Variants in NEMP2 observed in about 807,000 individuals in gnomAD.
NEMP2 encodes the protein UPF0571 transmembrane protein.
A neutral mutation model predicts 54.2 loss-of-function variants in NEMP2; 53 were observed. That is an observed-to-expected ratio of 0.98 (90% confidence interval 0.78 to 1.23). The LOEUF (loss-of-function observed/expected upper bound fraction) is 1.23. Ranked by LOEUF, NEMP2 falls within the 50% of genes most tolerant of loss-of-function variation. NEMP2 has a pLI of 0.00. For missense variants in NEMP2, 455 were observed against 511.3 expected, an observed-to-expected ratio of 0.89 and a Z score of 1.06; for synonymous variants, 197 against 190.3, an observed-to-expected ratio of 1.04 and a Z score of -0.29.
the NEMP2 span, among the ~76,000 whole-genome samples, chr2:190,636,562 G>A: frequency 1.3e-5 from 2 of 152,214 alleles, no homozygotes; most frequent in East Asian, 1.9e-4. Flanking sequence ...TCGTAATGAC[G>A]GTAGGTCAGT....
the NEMP2 span, among the ~76,000 whole-genome samples, chr2:190,490,926 TCTTA>T: frequency 6.6e-6 from 1 of 152,224 alleles, no homozygotes; most frequent in African/African-American, 2.4e-5. This position sits in a 1 kb window ranked among gnomAD's most constrained non-coding sequence, Gnocchi z 4.5. Flanking sequence ...TACTGTTTTT[TCTTA>T]CTTTTGTTCT....
the NEMP2 span, among the ~76,000 whole-genome samples, chr2:190,581,829 A>G: frequency 6.6e-6 from 1 of 152,302 alleles, no homozygotes; most frequent in South Asian, 2.1e-4. Flanking sequence ...ATTGGTTCCC[A>G]AGAGATGACT....
At chr2:190,612,952 GTTGT>G in the NEMP2 span, among the ~76,000 whole-genome samples, 4 of 151,684 alleles carry the variant, frequency 2.6e-5, no homozygotes, top group Non-Finnish European at 2.9e-5. Flanking sequence ...TGAAATATCT[GTTGT>G]TTAATTTAAT....
rs1690226389 is a variant in NEMP2 at position 190,507,708 on chromosome 2, A to G, written c.*1481T>C. On this transcript the variant is annotated 3_prime_UTR_variant, in exon 9 of 9. Coordinates refer to ENST00000409150, the MANE Select transcript of NEMP2 (RefSeq NM_001142645.2). This position sits in a 1 kb window ranked among gnomAD's most constrained non-coding sequence, Gnocchi z 4.4. ...AGATGTCTGGCAAAAACAGACCTGT[A>G]AATACTTCAAAGAGGAACTATCATT... is the stretch of plus-strand genomic sequence containing the variant. The G allele has an allele frequency of 6.6e-6, 1 of 152,116 alleles. No individual in the cohort carries two copies. The allele number at this position is 152,116 out of a possible 1,614,324, so 9.4% of individuals were successfully genotyped here.
At chr2:190,540,480 G>A in the NEMP2 span, among the ~76,000 whole-genome samples, 1 of 152,064 alleles carries the variant, frequency 6.6e-6, no homozygotes. Flanking sequence ...GGTAGAGATA[G>A]GGTCTCACTA....
At chr2:190,532,812 A>G (rs530668626) in intron 1 of NEMP2, among the ~76,000 whole-genome samples, 1 of 152,348 alleles carries the variant, frequency 6.6e-6, no homozygotes, top group Admixed American at 6.5e-5. Context: ...AGGGCTGCCA[A>G]CAGTGTCACT....
At chr2:190,452,501 G>C in the NEMP2 span, among the ~76,000 whole-genome samples, 1 of 152,142 alleles carries the variant, frequency 6.6e-6, no homozygotes, top group Admixed American at 6.5e-5. Context: ...GAGTGATTAA[G>C]TTTCCCATGA....
chr2:190,477,351 C>A, the NEMP2 span: 1 of 983,746 alleles, frequency 1.0e-6, no homozygotes. Context: ...TGGTATGCTA[C>A]AGTGTGCAGA....
the NEMP2 span, among the ~76,000 whole-genome samples, chr2:190,590,179 T>C: frequency 3.7e-3 from 561 of 152,332 alleles, no homozygotes; most frequent in Middle Eastern, 6.8e-3. The surrounding 1 kb of genome is among the most constrained non-coding windows in gnomAD (Gnocchi z 5.1). Context: ...ACATTGGGCA[T>C]TGACCCACCT....
intron 5 of NEMP2, 44 bp from the exon 6 acceptor site, chr2:190,516,428 ACT>A (rs1690559652): frequency 7.2e-7 from 1 of 1,380,944 alleles, no homozygotes; most frequent in African/African-American, 1.5e-5. Context: ...TGGTTCATTC[ACT>A]CTCATAAAAA....
At chr2:190,596,655 A>G in the NEMP2 span, among the ~76,000 whole-genome samples, 2 of 152,180 alleles carry the variant, frequency 1.3e-5, no homozygotes, top group East Asian at 3.8e-4. The surrounding 1 kb of genome is among the most constrained non-coding windows in gnomAD (Gnocchi z 5.1). Context: ...CATCTCTTCT[A>G]GCAAAGGTTG....
chr2:190,437,504 C>T, the NEMP2 span: 1 of 1,614,206 alleles, frequency 6.2e-7, no homozygotes, highest in Non-Finnish European at 8.5e-7. This position sits in a 1 kb window ranked among gnomAD's most constrained non-coding sequence, Gnocchi z 5.9. Flanking sequence ...AGTCATGTGT[C>T]TGAGCTGACA....
At chr2:190,586,762 T>C in the NEMP2 span, among the ~76,000 whole-genome samples, 27 of 152,248 alleles carry the variant, frequency 1.8e-4, no homozygotes, top group African/African-American at 6.3e-4. This position sits in a 1 kb window ranked among gnomAD's most constrained non-coding sequence, Gnocchi z 4.5. Context: ...TAAAATTTTA[T>C]TAGAAAAAAT....
At chr2:190,430,345 C>A in the NEMP2 span, among the ~76,000 whole-genome samples, 1 of 151,010 alleles carries the variant, frequency 6.6e-6, no homozygotes, top group Non-Finnish European at 1.5e-5. Flanking sequence ...AGGCAGAGGA[C>A]CCTGCGGCCT....
the NEMP2 span, among the ~76,000 whole-genome samples, chr2:190,634,133 T>G: frequency 6.6e-6 from 1 of 152,132 alleles, no homozygotes; most frequent in African/African-American, 2.4e-5. This position sits in a 1 kb window ranked among gnomAD's most constrained non-coding sequence, Gnocchi z 6.8. Context: ...TATTTCAAAC[T>G]TTTCTTAAAT....
In NEMP2 at chr2:190,529,534, C is replaced by A. The variant is rs930701778; in HGVS notation, c.98-4156G>T. The stretch of plus-strand genomic sequence containing the variant: ...GACCCCACTGTCTAAACAAACACAC[C>A]CCAACCACTTCCACCTGCTTTATTC... On this transcript the variant is annotated intron_variant, in intron 1 of 8. Coordinates refer to ENST00000409150, the MANE Select transcript of NEMP2 (RefSeq NM_001142645.2). This position sits in a 1 kb window ranked among gnomAD's most constrained non-coding sequence, Gnocchi z 4.7. Among the ~76,000 whole-genome samples the A allele has an allele frequency of 6.6e-5, 10 of 152,300 alleles. No individual in the cohort carries two copies. The highest frequency in any genetic ancestry group is 3.9e-4 in the Admixed American group (6 of 15,294).
At chr2:190,629,689 A>G in the NEMP2 span, 1 of 152,192 alleles carries the variant, frequency 6.6e-6, no homozygotes, top group East Asian at 1.9e-4. Flanking sequence ...ATTGAAAAGG[A>G]CCAATGATTA....
intron 1 of NEMP2, among the ~76,000 whole-genome samples, chr2:190,526,728 G>C (rs941269618): frequency 1.3e-5 from 2 of 152,170 alleles, no homozygotes; most frequent in Non-Finnish European, 2.9e-5. Flanking sequence ...GTTTGTACAG[G>C]GAAGTGGGGG....
the NEMP2 span, among the ~76,000 whole-genome samples, chr2:190,487,623 T>C: frequency 6.6e-6 from 1 of 152,174 alleles, no homozygotes. The surrounding 1 kb of genome is among the most constrained non-coding windows in gnomAD (Gnocchi z 5.5). Flanking sequence ...AAAGAAGATA[T>C]AGATGGCCAA....
Sources: allele counts gnomAD v4.1 joint callset (sites outside exome capture counted in the v4.1 genomes callset), GRCh38; gene constraint gnomAD v4.1.1; non-coding constraint Gnocchi (gnomAD v3.1); transcripts MANE v1.5; gene names NCBI Gene and HGNC (gene_info 2026-07-23, HGNC 2026-07-21).